Variants in RNF17 observed in about 807,000 individuals in gnomAD.
The protein encoded by RNF17 is ring finger protein 17, also known as spermatogenesis associated 23.
A neutral mutation model predicts 200.5 loss-of-function variants in RNF17; 31 were observed. The ratio of observed to expected loss-of-function variants is 0.15; its 90% CI spans 0.12 to 0.21. The LOEUF is 0.21. RNF17 is among the 10% of genes least tolerant of loss of function. The probability of loss-of-function intolerance (pLI) is 1.00; values close to 1 mark genes in which losing one functional copy is unlikely to be tolerated. For missense variants in RNF17, 1,628 were observed against 1,905.1 expected, an observed-to-expected ratio of 0.85 and a Z score of 2.71; for synonymous variants, 606 against 637.8, an observed-to-expected ratio of 0.95 and a Z score of 0.75.
chr13:24,814,689 C>G (rs1280259778), intron 15 of RNF17, among the ~76,000 whole-genome samples: 1 of 152,176 alleles, frequency 6.6e-6, no homozygotes, highest in Non-Finnish European at 1.5e-5. Context: ...TCTGGACTTT[C>G]TATTTTGTTC....
At chr13:24,787,410 T>C (rs1438146349) in intron 6 of RNF17, among the ~76,000 whole-genome samples, 1 of 152,206 alleles carries the variant, frequency 6.6e-6, no homozygotes, top group Non-Finnish European at 1.5e-5. Flanking sequence ...GGTATTTTTG[T>C]TGAAATTGGG....
intron 34 of RNF17, among the ~76,000 whole-genome samples, chr13:24,878,603 A>G (rs995389265): frequency 1.3e-5 from 2 of 152,160 alleles, no homozygotes; most frequent in Non-Finnish European, 2.9e-5. Context: ...CTACAGTCCA[A>G]AAACCAAAGA....
chr13:24,838,250 C>T (rs1890221201), intron 18 of RNF17, among the ~76,000 whole-genome samples: 1 of 152,074 alleles, frequency 6.6e-6, no homozygotes, highest in Admixed American at 6.6e-5. Context: ...AGAATTCTGC[C>T]AGACAATCGA....
intron 32 of RNF17, among the ~76,000 whole-genome samples, chr13:24,873,882 G>A (rs1593499246): frequency 6.6e-6 from 1 of 152,200 alleles, no homozygotes; most frequent in Non-Finnish European, 1.5e-5. Flanking sequence ...CAAATAACAG[G>A]ATTCCATTCT....
intron 25 of RNF17, among the ~76,000 whole-genome samples, chr13:24,857,617 A>G (rs1384989649): frequency 2.6e-5 from 4 of 152,252 alleles, no homozygotes; most frequent in African/African-American, 9.6e-5. Context: ...AAAAAAGAAT[A>G]CAGGCTGGGT....
At chr13:24,805,275 C>A (rs2137764284) in intron 15 of RNF17, among the ~76,000 whole-genome samples, 1 of 152,248 alleles carries the variant, frequency 6.6e-6, no homozygotes, top group Admixed American at 6.5e-5. Context: ...GCCATTAAGG[C>A]CATTAAGTGT....
intron 5 of RNF17, among the ~76,000 whole-genome samples, chr13:24,781,014 C>G (rs1013651578): frequency 1.3e-5 from 2 of 152,094 alleles, no homozygotes. Flanking sequence ...GAGACAAGAA[C>G]TTAGTTGCTT....
At chr13:24,871,549 G>A (rs752947038) in intron 32 of RNF17, among the ~76,000 whole-genome samples, 1 of 151,638 alleles carries the variant, frequency 6.6e-6, no homozygotes, top group African/African-American at 2.4e-5. Context: ...TGTTAGCCAG[G>A]CTGGTGTCAA....
the RNF17 span, among the ~76,000 whole-genome samples, chr13:24,758,906 T>C: frequency 6.6e-6 from 1 of 151,496 alleles, no homozygotes; most frequent in Non-Finnish European, 1.5e-5. Context: ...TGAAACCCCG[T>C]CTCTATTAAA....
At chr13:24,836,820 A>AAAAG (rs1362386251) in intron 18 of RNF17, among the ~76,000 whole-genome samples, 2 of 151,468 alleles carry the variant, frequency 1.3e-5, no homozygotes, top group African/African-American at 2.4e-5. Context: ...AGCAAAAACA[A>AAAAG]AACCAAAGTG....
At position 24,851,991 on chromosome 13, in the gene RNF17, AAC is replaced by A. The variant is rs1364552148; in HGVS notation, c.3320+422_3320+423del. Among the ~76,000 whole-genome samples, 13 of 152,298 alleles carry A rather than the reference AAC, an allele frequency of 8.5e-5. No homozygotes were observed. The South Asian group carries it at 1.9e-3, about 22-fold the overall frequency. ...ATGAAATGTAAATGTATTTATATGA[AAC>A]AGGATGAGTAGCAAATAAATAATTG... On this transcript the variant is annotated intron_variant, in intron 24 of 35. Coordinates refer to ENST00000255324, the MANE Select transcript of RNF17 (RefSeq NM_031277.3).
At chr13:24,795,458 C>T (rs779922556) in intron 10 of RNF17, among the ~76,000 whole-genome samples, 3 of 150,304 alleles carry the variant, frequency 2.0e-5, no homozygotes, top group Non-Finnish European at 4.4e-5. Flanking sequence ...CGTAGCATAC[C>T]ACTGTTTTGT....
upstream of RNF17, among the ~76,000 whole-genome samples, chr13:24,759,525 G>T (rs1209454858): frequency 6.6e-6 from 1 of 152,194 alleles, no homozygotes; most frequent in African/African-American, 2.4e-5. Flanking sequence ...CAAAATAAGG[G>T]TGAGGGAAGC....
chr13:24,882,229 T>G (rs569456327), downstream of RNF17: 20 of 54,324 alleles, frequency 3.7e-4, 7 homozygotes, highest in Non-Finnish European at 1.1e-3. Flanking sequence ...GATACATCTA[T>G]ATAGATAGAT....
At chr13:24,780,071 T>C (rs939240673) in intron 5 of RNF17, among the ~76,000 whole-genome samples, 8 of 152,196 alleles carry the variant, frequency 5.3e-5, no homozygotes, top group Middle Eastern at 3.2e-3. Context: ...GTGAGTCTCT[T>C]TCTCTCTTCC....
the RNF17 span, chr13:24,885,252 A>ATTAT: frequency 2.8e-6 from 4 of 1,431,420 alleles, no homozygotes; most frequent in South Asian, 4.6e-5. Flanking sequence ...TATAGAATTC[A>ATTAT]TTATTTCAAA....
At chr13:24,863,569 G>C (rs1037414873) in intron 28 of RNF17, among the ~76,000 whole-genome samples, 1 of 152,018 alleles carries the variant, frequency 6.6e-6, no homozygotes, top group Non-Finnish European at 1.5e-5. Context: ...TATATGGTAA[G>C]GAAAGTATTT....
In RNF17 at chr13:24,782,058, GTAAC is replaced by G. The variant is rs879733759; in HGVS notation, c.611+116_611+119del. On this transcript the variant is annotated intron_variant, in intron 6 of 35. Coordinates refer to ENST00000255324, the MANE Select transcript of RNF17 (RefSeq NM_031277.3). ...TAACTTTTAAACAAGTTTGTAATGG[GTAAC>G]TTTCAAACAAGTTTGGAAGTTGGTA... 8.4e-6 allele frequency: 6 copies of G among 713,386 alleles called. No individual in the cohort carries two copies. In the African/African-American group the frequency reaches 9.1e-5, roughly 11 times the overall value. The allele number at this position is 713,386 out of a possible 1,614,324, so 44.2% of individuals were successfully genotyped here. A position where few individuals can be genotyped will look rare whatever the true frequency, so the allele number is the denominator to read the frequency against.
upstream of RNF17, among the ~76,000 whole-genome samples, chr13:24,760,024 CCAG>C (rs2137821089): frequency 6.6e-6 from 1 of 152,158 alleles, no homozygotes; most frequent in South Asian, 2.1e-4. Flanking sequence ...GCCTGTAATC[CCAG>C]CTATTTGGGA....
Sources: gnomAD v4.1 joint callset for allele counts (sites outside exome capture counted in the v4.1 genomes callset) on GRCh38, gnomAD v4.1.1 for gene constraint, MANE v1.5 for transcripts, NCBI Gene and HGNC (gene_info 2026-07-23, HGNC 2026-07-21) for gene names.